The following SGMS1 variants were observed in gnomAD, a reference collection of about 807,000 sequenced individuals.
The protein encoded by SGMS1 is sphingomyelin synthase 1.
In SGMS1, 13 loss-of-function variants were observed where a neutral mutation model predicts 46.2. That is an observed-to-expected ratio of 0.28 (90% CI 0.18 to 0.45). The LOEUF is 0.45. SGMS1 is among the 20% of genes least tolerant of loss of function. SGMS1 has a pLI of 1.00. For missense variants in SGMS1, 324 were observed against 519.9 expected (o/e 0.62, Z 3.66); for synonymous variants, 203 against 187.8 (o/e 1.08, Z -0.66).
At chr10:50,501,870 G>A (rs1837664435) in intron 3 of SGMS1, among the ~76,000 whole-genome samples, 1 of 152,122 alleles carries the variant, frequency 6.6e-6, no homozygotes, top group East Asian at 1.9e-4. Flanking sequence ...AATAAGACAT[G>A]ATTATAAAAA....
chr10:50,355,428 CCA>C (rs1203074140), intron 6 of SGMS1, among the ~76,000 whole-genome samples: 1 of 152,178 alleles, frequency 6.6e-6, no homozygotes, highest in Non-Finnish European at 1.5e-5. Flanking sequence ...GCGCGCGCCA[CCA>C]CGCCTGACTG....
At chr10:50,593,290 A>T (rs1326097541) in intron 1 of SGMS1, among the ~76,000 whole-genome samples, 1 of 152,158 alleles carries the variant, frequency 6.6e-6, no homozygotes, top group African/African-American at 2.4e-5. Context: ...CTGCAACCTC[A>T]TGAGAGACTG....
At chr10:50,493,485 A>T (rs1206334182) in intron 3 of SGMS1, among the ~76,000 whole-genome samples, 1 of 152,228 alleles carries the variant, frequency 6.6e-6, no homozygotes, top group Non-Finnish European at 1.5e-5. Flanking sequence ...GATCTAATTA[A>T]ACTAAAGAGC....
chr10:50,444,907 T>G (rs1162614245), intron 5 of SGMS1, among the ~76,000 whole-genome samples: 2 of 151,998 alleles, frequency 1.3e-5, no homozygotes, highest in Non-Finnish European at 2.9e-5. Context: ...AAAGACAAAG[T>G]TAAGAAAATG....
intron 2 of SGMS1, among the ~76,000 whole-genome samples, chr10:50,545,227 A>G (rs973081685): frequency 6.6e-6 from 1 of 152,172 alleles, no homozygotes; most frequent in Admixed American, 6.5e-5. Flanking sequence ...ACAGAAGCAT[A>G]GAACAAGTGA....
At chr10:50,552,115 G>A (rs1224589660) in intron 2 of SGMS1, among the ~76,000 whole-genome samples, 1 of 152,190 alleles carries the variant, frequency 6.6e-6, no homozygotes, top group Non-Finnish European at 1.5e-5. Flanking sequence ...ACAAGTTACA[G>A]TGTGCCAATC....
chr10:50,423,903 A>G (rs1002288838), intron 6 of SGMS1, among the ~76,000 whole-genome samples: 2 of 152,226 alleles, frequency 1.3e-5, no homozygotes, highest in Admixed American at 1.3e-4. Flanking sequence ...GCTCAATTTA[A>G]TCCATTTACC....
At chr10:50,486,192 T>C (rs1837519799) in intron 3 of SGMS1, among the ~76,000 whole-genome samples, 1 of 152,124 alleles carries the variant, frequency 6.6e-6, no homozygotes, top group Non-Finnish European at 1.5e-5. Flanking sequence ...AAGACATAAA[T>C]GTAAAACCCA....
At chr10:50,311,616 C>A (rs753339644) in intron 8 of SGMS1, among the ~76,000 whole-genome samples, 1 of 152,158 alleles carries the variant, frequency 6.6e-6, no homozygotes, top group Non-Finnish European at 1.5e-5. Context: ...AAATGAATCA[C>A]GTGGCTTCAG....
chr10:50,545,806 G>C (rs564140368), intron 2 of SGMS1, among the ~76,000 whole-genome samples: 115 of 152,108 alleles, frequency 7.6e-4, no homozygotes, highest in Non-Finnish European at 1.5e-3. Flanking sequence ...AGAGAGGACT[G>C]TTCATGGTGG....
At chr10:50,588,918 A>C (rs1838513106) in intron 2 of SGMS1, among the ~76,000 whole-genome samples, 1 of 151,906 alleles carries the variant, frequency 6.6e-6, no homozygotes, top group Admixed American at 6.6e-5. Context: ...TTTAGTAGAG[A>C]CAGGGTTTCA....
intron 2 of SGMS1, among the ~76,000 whole-genome samples, chr10:50,545,559 CT>C (rs1838094015): frequency 6.6e-6 from 1 of 152,130 alleles, no homozygotes; most frequent in African/African-American, 2.4e-5. Flanking sequence ...CCTCAGCCTC[CT>C]GAGTAGCTGG....
chr10:50,323,720 T>C (rs1487013785), intron 8 of SGMS1, among the ~76,000 whole-genome samples: 1 of 152,182 alleles, frequency 6.6e-6, no homozygotes, highest in Non-Finnish European at 1.5e-5. Context: ...ATTATACCAG[T>C]GTAAAATCCA....
chr10:50,396,340 A>G (rs1387582989), intron 6 of SGMS1, among the ~76,000 whole-genome samples: 1 of 152,188 alleles, frequency 6.6e-6, no homozygotes, highest in African/African-American at 2.4e-5. Flanking sequence ...GCAAGGCAAA[A>G]GTCAACCCAC....
chr10:50,331,212 A>G (rs1383395207), intron 7 of SGMS1, among the ~76,000 whole-genome samples: 2 of 152,196 alleles, frequency 1.3e-5, no homozygotes, highest in Admixed American at 6.5e-5. Context: ...TGTTTTGCCA[A>G]AGTTCTCTTA....
intron 8 of SGMS1, among the ~76,000 whole-genome samples, chr10:50,321,958 C>T (rs1162271426): frequency 2.0e-5 from 3 of 152,172 alleles, no homozygotes; most frequent in East Asian, 1.9e-4. Context: ...TCTTTCTAAT[C>T]TGTGCATTGC....
At chr10:50,538,954 G>A (rs1452469819) in intron 2 of SGMS1, among the ~76,000 whole-genome samples, 1 of 152,152 alleles carries the variant, frequency 6.6e-6, no homozygotes, top group Admixed American at 6.5e-5. Flanking sequence ...CTGATTACAT[G>A]AACTAATACA....
rs192724035 is a variant in SGMS1 at position 50,445,716 on chromosome 10, G to A, written c.-312-12160C>T. Reference sequence around the variant, plus strand: ...GATGATTGTGTTAACTGTACAAATTGTTTAAACAATATGAAATCTGGGCAC... The same window carrying A: ...GATGATTGTGTTAACTGTACAAATTATTTAAACAATATGAAATCTGGGCAC... On this transcript the variant is annotated intron_variant, in intron 5 of 10. Transcript: ENST00000361781. 2.0e-3 allele frequency among the ~76,000 whole-genome samples: 308 copies of A among 152,190 alleles called. 1 individual carries two copies. Among genetic ancestry groups the A allele is most frequent in the African/African-American group, 6.8e-3 (282 of 41,516 alleles).
intron 1 of SGMS1, among the ~76,000 whole-genome samples, chr10:50,617,347 T>C (rs1232322522): frequency 1.3e-4 from 20 of 152,206 alleles, no homozygotes; most frequent in Non-Finnish European, 1.5e-5. Flanking sequence ...ATGGTCCATT[T>C]ACATAAAATT....
Sources: allele counts gnomAD v4.1 joint callset (sites outside exome capture counted in the v4.1 genomes callset), GRCh38; gene constraint gnomAD v4.1.1; transcripts MANE v1.5; gene names NCBI Gene and HGNC (gene_info 2026-07-23, HGNC 2026-07-21).